The following MACROD2 variants were observed in gnomAD, a reference collection of about 807,000 sequenced individuals.
MACROD2 encodes ADP-ribose glycohydrolase MACROD2.
Under a neutral mutation model 70.4 loss-of-function variants are expected in MACROD2, and 36 were observed. That is an observed-to-expected ratio of 0.51 (90% CI 0.39 to 0.68). The LOEUF is 0.68. MACROD2 is among the 30% of genes least tolerant of loss of function. The pLI, the probability that MACROD2 is intolerant of heterozygous loss-of-function variation, is 0.00. For synonymous variants in MACROD2, 172 were observed against 178.8 expected (o/e 0.96, Z 0.30); for missense variants, 496 against 538.4 (o/e 0.92, Z 0.78).
At chr20:15,900,860 T>G (rs1218438404) in intron 10 of MACROD2, among the ~76,000 whole-genome samples, 2 of 152,132 alleles carry the variant, frequency 1.3e-5, no homozygotes, top group Non-Finnish European at 2.9e-5. Context: ...CTCAGTTTCT[T>G]CATACATTAA....
intron 8 of MACROD2, among the ~76,000 whole-genome samples, chr20:15,684,171 T>C (rs1297293873): frequency 2.6e-5 from 4 of 152,192 alleles, no homozygotes; most frequent in Non-Finnish European, 5.9e-5. Context: ...CAAGGAATGA[T>C]GGTCCACCCC....
intron 3 of MACROD2, among the ~76,000 whole-genome samples, chr20:14,454,702 G>T (rs985310243): frequency 6.7e-6 from 1 of 148,370 alleles, no homozygotes; most frequent in Non-Finnish European, 1.5e-5. Flanking sequence ...TAAGTGATTT[G>T]TCCCTGCTAC....
intron 10 of MACROD2, chr20:15,894,051 G>A (rs911317498): frequency 2.5e-6 from 1 of 408,012 alleles, no homozygotes; most frequent in African/African-American, 2.1e-5. Context: ...CAAGAAAGTG[G>A]CCGGCCTCAG....
At chr20:14,156,860 T>C (rs2055110999) in intron 3 of MACROD2, among the ~76,000 whole-genome samples, 1 of 152,228 alleles carries the variant, frequency 6.6e-6, no homozygotes, top group Admixed American at 6.5e-5. Context: ...ATAGTCAATG[T>C]AATTTCACTG....
At chr20:15,301,801 G>A (rs1311005148) in intron 6 of MACROD2, among the ~76,000 whole-genome samples, 2 of 151,912 alleles carry the variant, frequency 1.3e-5, no homozygotes, top group East Asian at 1.9e-4. Context: ...AGGAGAGAAA[G>A]GGCAATAGGC....
chr20:14,437,469 C>T (rs569709382), intron 3 of MACROD2, among the ~76,000 whole-genome samples: 1 of 152,104 alleles, frequency 6.6e-6, no homozygotes, highest in Non-Finnish European at 1.5e-5. Flanking sequence ...TGGTGAGTGC[C>T]TGTAATCCTA....
chr20:14,806,352 T>A (rs560567378), intron 5 of MACROD2, among the ~76,000 whole-genome samples: 1 of 151,880 alleles, frequency 6.6e-6, no homozygotes, highest in Non-Finnish European at 1.5e-5. Context: ...GCACAAGGGG[T>A]TGGGGAACTC....
chr20:15,731,921 A>AT (rs538100977), intron 8 of MACROD2, among the ~76,000 whole-genome samples: 1,376 of 52,996 alleles, frequency 0.026, 597 homozygotes, highest in Middle Eastern at 0.071. Context: ...ATGCCTGGCT[A>AT]TTTTTTGTAT....
At chr20:14,032,102 C>A (rs932333204) in intron 2 of MACROD2, among the ~76,000 whole-genome samples, 14 of 151,748 alleles carry the variant, frequency 9.2e-5, no homozygotes, top group Non-Finnish European at 1.9e-4. Flanking sequence ...GTACATGGTG[C>A]TTTGAGGCTT....
At chr20:14,997,524 G>A (rs1329457585) in intron 5 of MACROD2, among the ~76,000 whole-genome samples, 1 of 152,150 alleles carries the variant, frequency 6.6e-6, no homozygotes, top group Non-Finnish European at 1.5e-5. Flanking sequence ...CTTAAGGAAA[G>A]GAGAGGGAAG....
At chr20:15,797,306 G>A (rs1463279241) in intron 8 of MACROD2, among the ~76,000 whole-genome samples, 2 of 152,082 alleles carry the variant, frequency 1.3e-5, no homozygotes, top group African/African-American at 2.4e-5. Flanking sequence ...TAGTAGAGAC[G>A]GGGTTTCACC....
chr20:14,263,327 G>T (rs1317110485), intron 3 of MACROD2, among the ~76,000 whole-genome samples: 1 of 152,170 alleles, frequency 6.6e-6, no homozygotes, highest in Non-Finnish European at 1.5e-5. Context: ...ATTAACAAGA[G>T]CATGAAGCCA....
intron 6 of MACROD2, among the ~76,000 whole-genome samples, chr20:15,303,051 C>T (rs2077662054): frequency 6.6e-6 from 1 of 152,184 alleles, no homozygotes. Context: ...TAAATAGTAG[C>T]TGCTGTTAAT....
chr20:14,967,922 A>G (rs2074653662), intron 5 of MACROD2, among the ~76,000 whole-genome samples: 1 of 152,192 alleles, frequency 6.6e-6, no homozygotes, highest in African/African-American at 2.4e-5. Context: ...AATTCTTGAT[A>G]CATGCAGGCT....
intron 3 of MACROD2, among the ~76,000 whole-genome samples, chr20:14,198,445 T>G (rs1351617464): frequency 6.6e-6 from 1 of 152,238 alleles, no homozygotes; most frequent in Non-Finnish European, 1.5e-5. Context: ...CAATGTATAA[T>G]TTCTGTATCA....
chr20:14,793,090 G>A (rs1245965540), intron 5 of MACROD2, among the ~76,000 whole-genome samples: 1 of 152,044 alleles, frequency 6.6e-6, no homozygotes, highest in Non-Finnish European at 1.5e-5. Context: ...ATGGAGATGA[G>A]GGCACTGGAG....
At chr20:15,018,943 C>T (rs1262418923) in intron 5 of MACROD2, among the ~76,000 whole-genome samples, 1 of 152,196 alleles carries the variant, frequency 6.6e-6, no homozygotes, top group Non-Finnish European at 1.5e-5. Context: ...AGAGGCATCC[C>T]TCGAAGCTGA....
chr20:15,953,160 G>A lies in MACROD2; in HGVS notation c.908-14393G>A, dbSNP rs141810135. On this transcript the variant is annotated intron_variant, in intron 12 of 17. Coordinates refer to ENST00000684519, the MANE Select transcript of MACROD2 (RefSeq NM_001351661.2). ...CACTCATAGGCAGAAGCCAAGAAAG[G>A]TTGGTCTCATAGAAGTAAAAAGTAG... Among the ~76,000 whole-genome samples, 945 of 152,246 alleles carry A rather than the reference G, an allele frequency of 6.2e-3. 3 individuals are homozygous for A. Among genetic ancestry groups the A allele is most frequent in the African/African-American group, 0.021 (882 of 41,546 alleles).
chr20:14,029,099 T>C (rs928236586), intron 2 of MACROD2, among the ~76,000 whole-genome samples: 4 of 152,232 alleles, frequency 2.6e-5, no homozygotes, highest in Non-Finnish European at 5.9e-5. Flanking sequence ...TAGCTCATAT[T>C]CTTTCTTCAA....
Sources: gnomAD v4.1 joint callset for allele counts (sites outside exome capture counted in the v4.1 genomes callset) on GRCh38, gnomAD v4.1.1 for gene constraint, MANE v1.5 for transcripts, NCBI Gene and HGNC (gene_info 2026-07-23, HGNC 2026-07-21) for gene names.